The following HS3ST4 variants were observed in gnomAD, a reference collection of about 807,000 sequenced individuals.
HS3ST4 encodes the protein heparan sulfate glucosamine 3-O-sulfotransferase 4.
Under a neutral mutation model 29.2 loss-of-function variants are expected in HS3ST4, and 17 were observed. The observed-to-expected ratio is 0.58, with a 90% CI of 0.40 to 0.87. HS3ST4 has a LOEUF of 0.87. HS3ST4 is among the 40% of genes least tolerant of loss of function. The pLI is 0.00. For synonymous variants in HS3ST4, 314 were observed against 285.7 expected (o/e 1.10, Z -1.00); for missense variants, 627 against 634.5 (o/e 0.99, Z 0.13).
intron 1 of HS3ST4, among the ~76,000 whole-genome samples, chr16:26,005,115 A>T (rs1969246158): frequency 6.6e-6 from 1 of 152,220 alleles, no homozygotes; most frequent in Admixed American, 6.5e-5. Flanking sequence ...TAGCACTAAA[A>T]GCAAAGATCA....
chr16:25,877,108 T>C (rs1451698115), intron 1 of HS3ST4, among the ~76,000 whole-genome samples: 1 of 152,056 alleles, frequency 6.6e-6, no homozygotes. Context: ...TGCTATTAAA[T>C]TTTAAAATCC....
At chr16:26,073,571 C>T (rs1400793214) in intron 1 of HS3ST4, among the ~76,000 whole-genome samples, 1 of 152,104 alleles carries the variant, frequency 6.6e-6, no homozygotes, top group East Asian at 1.9e-4. Flanking sequence ...CAGGGTCTCA[C>T]TATGTTGCCC....
At chr16:26,092,815 C>T (rs565789096) in intron 1 of HS3ST4, among the ~76,000 whole-genome samples, 3 of 152,124 alleles carry the variant, frequency 2.0e-5, no homozygotes, top group South Asian at 2.1e-4. Flanking sequence ...TGCAAGGGGT[C>T]GGGGAATTTC....
In HS3ST4 at chr16:26,022,680, C is replaced by CTT. The variant is rs34741128; in HGVS notation, c.735-112918_735-112917dup. Among the ~76,000 whole-genome samples the CTT allele has an allele frequency of 7.3e-3, 1,044 of 142,700 alleles. 10 individuals carry two copies. Among genetic ancestry groups the CTT allele is most frequent in the African/African-American group, 0.018 (694 of 38,634 alleles). The allele number at this position is 142,700 out of a possible 152,430, so 93.6% of individuals were successfully genotyped here. On this transcript the variant is annotated intron_variant, in intron 1 of 1. Coordinates refer to ENST00000331351, the MANE Select transcript of HS3ST4 (RefSeq NM_006040.3). ...ATTTTTTGCACACAGAATTTTCTTC[C>CTT]TTTTTTTTTTTTTTTAAGAGAGTCT...
intron 1 of HS3ST4, among the ~76,000 whole-genome samples, chr16:26,019,976 G>C (rs1310316735): frequency 2.0e-5 from 3 of 152,150 alleles, no homozygotes; most frequent in African/African-American, 7.2e-5. Context: ...GTGATTTAAT[G>C]TCCATCTTGA....
At chr16:25,863,534 A>G (rs1287579067) in intron 1 of HS3ST4, among the ~76,000 whole-genome samples, 1 of 152,214 alleles carries the variant, frequency 6.6e-6, no homozygotes, top group Non-Finnish European at 1.5e-5. Flanking sequence ...TGTCTCCACT[A>G]TGAAGGCATG....
At chr16:25,721,835 A>C (rs1315972975) in intron 1 of HS3ST4, among the ~76,000 whole-genome samples, 1 of 152,226 alleles carries the variant, frequency 6.6e-6, no homozygotes, top group Admixed American at 6.5e-5. Context: ...TTGTCTGGCA[A>C]CCTCTGTTCC....
chr16:25,844,178 T>C (rs1967442444), intron 1 of HS3ST4, among the ~76,000 whole-genome samples: 1 of 152,232 alleles, frequency 6.6e-6, no homozygotes, highest in Non-Finnish European at 1.5e-5. Flanking sequence ...CCTCCCTGGT[T>C]CACTATCATT....
intron 1 of HS3ST4, among the ~76,000 whole-genome samples, chr16:26,010,337 C>A (rs1969298775): frequency 6.6e-6 from 1 of 151,866 alleles, no homozygotes; most frequent in African/African-American, 2.4e-5. Flanking sequence ...TCCTGTAATC[C>A]CAGCTCCTGG....
At chr16:25,851,886 A>C (rs993032696) in intron 1 of HS3ST4, among the ~76,000 whole-genome samples, 16 of 152,102 alleles carry the variant, frequency 1.1e-4, no homozygotes, top group Admixed American at 7.9e-4. Flanking sequence ...GAAGTTATTA[A>C]TGGATCCTGC....
chr16:25,799,000 A>G (rs1966906787), intron 1 of HS3ST4, among the ~76,000 whole-genome samples: 1 of 152,196 alleles, frequency 6.6e-6, no homozygotes, highest in African/African-American at 2.4e-5. Context: ...TAATGGATCC[A>G]AGTCCAGTTT....
chr16:25,774,699 C>T (rs1468085012), intron 1 of HS3ST4, among the ~76,000 whole-genome samples: 3 of 152,240 alleles, frequency 2.0e-5, no homozygotes, highest in African/African-American at 7.2e-5. Flanking sequence ...GTGTGCGTGG[C>T]ATACTATAGG....
intron 1 of HS3ST4, among the ~76,000 whole-genome samples, chr16:25,732,066 G>C (rs1966572925): frequency 6.6e-6 from 1 of 152,078 alleles, no homozygotes; most frequent in African/African-American, 2.4e-5. Context: ...ACCCATAAGG[G>C]GTTGACTAGA....
chr16:25,797,234 G>T (rs1966891541), intron 1 of HS3ST4, among the ~76,000 whole-genome samples: 2 of 152,148 alleles, frequency 1.3e-5, no homozygotes, highest in South Asian at 4.1e-4. Flanking sequence ...CTTGAAAGAA[G>T]ATTCTAGATG....
At chr16:25,807,046 C>G (rs1966997005) in intron 1 of HS3ST4, among the ~76,000 whole-genome samples, 2 of 152,186 alleles carry the variant, frequency 1.3e-5, no homozygotes, top group Admixed American at 1.3e-4. Context: ...AGTCTCGACT[C>G]ATTGCAACCT....
rs574282670 is a variant in HS3ST4 at position 25,836,523 on chromosome 16, AT to A, written c.734+143374del. On this transcript the variant is annotated intron_variant, in intron 1 of 1. Coordinates refer to ENST00000331351, the MANE Select transcript of HS3ST4 (RefSeq NM_006040.3). ...AACATTTTTACAAATCTAACAAATA[AT>A]TATAAATAAATAAAGTCTCCACTTC... Among the ~76,000 whole-genome samples, 36 of 152,344 alleles carry A rather than the reference AT, an allele frequency of 2.4e-4. No individual in the cohort carries two copies. The South Asian group carries it at 7.2e-3, about 31-fold the overall frequency.
At chr16:26,131,232 C>T (rs1899414713) in intron 1 of HS3ST4, among the ~76,000 whole-genome samples, 1 of 152,174 alleles carries the variant, frequency 6.6e-6, no homozygotes, top group Admixed American at 6.6e-5. Context: ...GGTTACTTTC[C>T]TTCTATCTCT....
At chr16:25,747,695 G>A (rs922833986) in intron 1 of HS3ST4, among the ~76,000 whole-genome samples, 2 of 152,204 alleles carry the variant, frequency 1.3e-5, no homozygotes, top group African/African-American at 2.4e-5. Context: ...CCCTGCGCTT[G>A]TTTTCTAGCG....
intron 1 of HS3ST4, among the ~76,000 whole-genome samples, chr16:26,070,411 TC>T (rs1898588453): frequency 6.6e-6 from 1 of 152,170 alleles, no homozygotes; most frequent in African/African-American, 2.4e-5. Flanking sequence ...GCTGCAGACG[TC>T]AGAACAAGCC....
Sources: gnomAD v4.1 joint callset for allele counts (sites outside exome capture counted in the v4.1 genomes callset) on GRCh38, gnomAD v4.1.1 for gene constraint, MANE v1.5 for transcripts, NCBI Gene and HGNC (gene_info 2026-07-23, HGNC 2026-07-21) for gene names.